Variants in UNC80 observed in about 807,000 individuals in gnomAD.
UNC80 encodes unc-80 subunit of NALCN channel complex.
In UNC80, 164 loss-of-function variants were observed where a neutral mutation model predicts 384.6. The ratio of observed to expected loss-of-function variants is 0.43; its 90% CI spans 0.38 to 0.49. The LOEUF (loss-of-function observed/expected upper bound fraction) is 0.49, where lower values mean the gene tolerates loss of function less well. Ranked by LOEUF, UNC80 falls within the 20% of genes least tolerant of loss-of-function variation. The pLI is 0.00. For missense variants in UNC80, 3,330 were observed against 4,143.0 expected, an observed-to-expected ratio of 0.80 and a Z score of 5.39; for synonymous variants, 1,486 against 1,527.8, an observed-to-expected ratio of 0.97 and a Z score of 0.64.
intron 30 of UNC80, among the ~76,000 whole-genome samples, chr2:209,913,349 A>G (rs2089167523): frequency 6.6e-6 from 1 of 152,196 alleles, no homozygotes; most frequent in South Asian, 2.1e-4. Flanking sequence ...ACCACAATGT[A>G]TTATGTATTT....
intron 13 of UNC80, among the ~76,000 whole-genome samples, chr2:209,823,916 G>A (rs1283237457): frequency 1.3e-5 from 2 of 152,070 alleles, no homozygotes; most frequent in African/African-American, 4.8e-5. Context: ...AACTTTTTGA[G>A]CTCCAACATG....
chr2:209,854,025 A>T (rs1281855538), intron 22 of UNC80, among the ~76,000 whole-genome samples: 1 of 152,084 alleles, frequency 6.6e-6, no homozygotes, highest in Non-Finnish European at 1.5e-5. Flanking sequence ...AGAGACATAA[A>T]CCAGGACTCT....
intron 22 of UNC80, among the ~76,000 whole-genome samples, chr2:209,861,708 A>T (rs2083353756): frequency 6.6e-6 from 1 of 152,198 alleles, no homozygotes. Flanking sequence ...CTGCAATTTC[A>T]GAACTTGTTA....
intron 55 of UNC80, 29 bp downstream of exon 55, chr2:209,972,353 A>C: frequency 1.3e-6 from 2 of 1,547,600 alleles, no homozygotes; most frequent in Non-Finnish European, 1.7e-6. Context: ...AAGGAAATTT[A>C]TCATTGTTGT....
At chr2:209,806,002 G>A (rs2078872537) in intron 7 of UNC80, among the ~76,000 whole-genome samples, 1 of 152,130 alleles carries the variant, frequency 6.6e-6, no homozygotes, top group African/African-American at 2.4e-5. Context: ...CACATCAATT[G>A]TTGAGCATTC....
chr2:209,789,812 A>T (rs78104291), intron 6 of UNC80, among the ~76,000 whole-genome samples: 2 of 152,042 alleles, frequency 1.3e-5, no homozygotes, highest in Admixed American at 6.6e-5. Context: ...CAGGTGTGGA[A>T]ATAAGACCAT....
chr2:209,956,841 A>G (rs1259834168), intron 48 of UNC80, among the ~76,000 whole-genome samples: 1 of 152,196 alleles, frequency 6.6e-6, no homozygotes, highest in Non-Finnish European at 1.5e-5. Context: ...ACTGGGAGCC[A>G]TCTCTAAATT....
At chr2:209,819,339 TGGGC>T in intron 12 of UNC80, 78 bp downstream of exon 12, 1 of 1,384,182 alleles carries the variant, frequency 7.2e-7, no homozygotes, top group Non-Finnish European at 9.6e-7. Flanking sequence ...TTATATAAAA[TGGGC>T]ATATAGATTC....
chr2:209,816,453 A>G (rs1437347319), intron 9 of UNC80, among the ~76,000 whole-genome samples: 2 of 152,204 alleles, frequency 1.3e-5, no homozygotes, highest in Non-Finnish European at 2.9e-5. Flanking sequence ...CATCATGAAA[A>G]ATGAAACAGA....
intron 23 of UNC80, among the ~76,000 whole-genome samples, chr2:209,875,875 T>C (rs551559899): frequency 1.8e-4 from 27 of 152,298 alleles, no homozygotes; most frequent in Non-Finnish European, 3.1e-4. Context: ...ATTTCTTTAT[T>C]TTTTTATTTC....
At chr2:209,783,998 T>C (rs1443596383) in intron 4 of UNC80, among the ~76,000 whole-genome samples, 1 of 152,164 alleles carries the variant, frequency 6.6e-6, no homozygotes, top group African/African-American at 2.4e-5. Flanking sequence ...TCAACAGATA[T>C]CTCAAACTTA....
intron 51 of UNC80, chr2:209,961,390 A>G (rs1363024022): frequency 6.6e-6 from 1 of 152,236 alleles, no homozygotes; most frequent in African/African-American, 2.4e-5. Flanking sequence ...GTTCAATGCA[A>G]GAGGCACATA....
chr2:209,982,497 T>C, intron 60 of UNC80, 180 bp downstream of exon 60: 1 of 708,206 alleles, frequency 1.4e-6, no homozygotes, highest in South Asian at 4.3e-5. Flanking sequence ...TGCAGTTTTC[T>C]AAGCCAAGCT....
At chr2:209,929,553 A>G (rs931385457) in intron 36 of UNC80, among the ~76,000 whole-genome samples, 4 of 152,238 alleles carry the variant, frequency 2.6e-5, no homozygotes, top group African/African-American at 9.6e-5. Flanking sequence ...CTGTAATTTA[A>G]TAAGTGCTGA....
At chr2:209,792,203 C>G (rs2077852690) in intron 6 of UNC80, among the ~76,000 whole-genome samples, 1 of 152,128 alleles carries the variant, frequency 6.6e-6, no homozygotes, top group African/African-American at 2.4e-5. Flanking sequence ...ATTTGGGAGG[C>G]TAAGTGGAGA....
intron 23 of UNC80, among the ~76,000 whole-genome samples, chr2:209,875,950 C>G (rs1269828977): frequency 6.6e-6 from 1 of 152,076 alleles, no homozygotes; most frequent in African/African-American, 2.4e-5. Flanking sequence ...GCAGTGAATT[C>G]TGAGATTTTA....
chr2:209,825,379 C>T (rs1382763662), intron 13 of UNC80, among the ~76,000 whole-genome samples: 1 of 152,116 alleles, frequency 6.6e-6, no homozygotes, highest in East Asian at 1.9e-4. Context: ...TCTGTATATT[C>T]TCACCTTGTT....
rs2093417046 is a variant in UNC80 at position 209,992,816 on chromosome 2, T to C, written c.9397-499T>C. Among the ~76,000 whole-genome samples, 3 of 152,250 alleles carry C rather than the reference T, an allele frequency of 2.0e-5. No individual in the cohort carries two copies. The South Asian group carries it at 6.2e-4, about 31-fold the overall frequency. ...TTAAAGCAAACTGAAGTAAAGATCA[T>C]CTTTAGAGATTTCCTTAGGTGGAGT... On this transcript the variant is annotated intron_variant, in intron 62 of 64. Transcript: ENST00000673920.
chr2:209,854,324 A>G (rs1388621087), intron 22 of UNC80, among the ~76,000 whole-genome samples: 1 of 144,538 alleles, frequency 6.9e-6, no homozygotes, highest in Non-Finnish European at 1.5e-5. Flanking sequence ...TATGAAATGT[A>G]GCATAAAAAA....
Sources: gnomAD v4.1 joint callset for allele counts (sites outside exome capture counted in the v4.1 genomes callset) on GRCh38, gnomAD v4.1.1 for gene constraint, MANE v1.5 for transcripts, NCBI Gene and HGNC (gene_info 2026-07-23, HGNC 2026-07-21) for gene names.